The following PI4KA variants were observed in gnomAD, a reference collection of about 807,000 sequenced individuals.
PI4KA encodes phosphatidylinositol 4-kinase alpha, also known as PI4-kinase alpha.
A neutral mutation model predicts 271.4 loss-of-function variants in PI4KA; 122 were observed. The ratio of observed to expected loss-of-function variants is 0.45; its 90% CI spans 0.39 to 0.52. The LOEUF (loss-of-function observed/expected upper bound fraction) is 0.52. PI4KA is among the 20% of genes least tolerant of loss of function. The pLI is 0.00. For synonymous variants in PI4KA, 1,041 were observed against 1,078.8 expected (o/e 0.96, Z 0.69); for missense variants, 1,969 against 2,769.1 (o/e 0.71, Z 6.48).
At chr22:20,777,883 T>C (rs890596469) in intron 19 of PI4KA, among the ~76,000 whole-genome samples, 1 of 152,084 alleles carries the variant, frequency 6.6e-6, no homozygotes, top group Non-Finnish European at 1.5e-5. Flanking sequence ...GAGGAACAAA[T>C]AAAGACAGGA....
intron 32 of PI4KA, among the ~76,000 whole-genome samples, chr22:20,737,661 C>T (rs140950784): frequency 0.014 from 2,012 of 144,476 alleles, 47 homozygotes; most frequent in African/African-American, 0.049. Flanking sequence ...GACGGAGTTT[C>T]GCTCTTGTTG....
At chr22:20,751,183 C>T (rs1930644711) in intron 27 of PI4KA, 110 bp downstream of exon 27, 2 of 861,366 alleles carry the variant, frequency 2.3e-6, no homozygotes, top group East Asian at 2.7e-5. Flanking sequence ...CCACCCACAC[C>T]TCAAATTGCT....
chr22:20,726,544 G>A lies in PI4KA; in HGVS notation c.4942-3C>T, dbSNP rs1927373616. On this transcript the variant is annotated splice_region_variant and splice_polypyrimidine_tract_variant and intron_variant, in intron 41 of 54. Coordinates refer to ENST00000255882, the MANE Select transcript of PI4KA (RefSeq NM_058004.4). Reference sequence around the variant, plus strand: ...GGGATGTAGAAGAGGATGGCGTCCTGTGGAGGTGGAGCAGAGTTGGCCATG... The same window carrying A: ...GGGATGTAGAAGAGGATGGCGTCCTATGGAGGTGGAGCAGAGTTGGCCATG... 5 of 1,585,476 alleles carry A rather than the reference G, an allele frequency of 3.2e-6. No individual in the cohort carries two copies. Among genetic ancestry groups the A allele is most frequent in the Non-Finnish European group, 4.3e-6 (5 of 1,168,056 alleles).
intron 8 of PI4KA, 55 bp downstream of exon 8, chr22:20,813,303 C>G: frequency 7.4e-7 from 1 of 1,357,600 alleles, no homozygotes; most frequent in Non-Finnish European, 1.0e-6. Flanking sequence ...AGTTTCACCA[C>G]TAGCAATTTT....
At chr22:20,793,282 GTTTCT>G (rs752346150) in intron 18 of PI4KA, 39 bp from the exon 19 acceptor site, 8 of 1,195,916 alleles carry the variant, frequency 6.7e-6, no homozygotes, top group East Asian at 2.3e-5. Flanking sequence ...ACGAGTATGT[GTTTCT>G]TTTATTAAAA....
At chr22:20,740,728 G>A (rs897638770) in intron 32 of PI4KA, among the ~76,000 whole-genome samples, 7 of 152,282 alleles carry the variant, frequency 4.6e-5, no homozygotes, top group East Asian at 1.9e-4. Context: ...ATGGAGGGCC[G>A]GCTGTACTGA....
chr22:20,840,951 G>T (rs1234818795), intron 1 of PI4KA, among the ~76,000 whole-genome samples: 1 of 152,138 alleles, frequency 6.6e-6, no homozygotes, highest in East Asian at 1.9e-4. Flanking sequence ...GAGACCTACT[G>T]GGCTACATTC....
At chr22:20,844,580 G>A (rs980937405) in intron 1 of PI4KA, among the ~76,000 whole-genome samples, 9 of 152,192 alleles carry the variant, frequency 5.9e-5, no homozygotes, top group Non-Finnish European at 8.8e-5. Context: ...CTAAACGACA[G>A]AGGGCCCTGA....
intron 19 of PI4KA, among the ~76,000 whole-genome samples, chr22:20,791,115 C>T (rs1252029124): frequency 6.6e-6 from 1 of 152,192 alleles, no homozygotes; most frequent in Non-Finnish European, 1.5e-5. Context: ...TCACCACTCA[C>T]TGCTTCCCTA....
At chr22:20,857,625 G>A (rs1424531640) in intron 1 of PI4KA, among the ~76,000 whole-genome samples, 1 of 152,214 alleles carries the variant, frequency 6.6e-6, no homozygotes, top group Admixed American at 6.5e-5. Flanking sequence ...AAAGAAAGTT[G>A]ACATTTACTG....
intron 43 of PI4KA, 138 bp from the exon 44 acceptor site, chr22:20,718,960 C>T (rs975148642): frequency 1.7e-5 from 15 of 878,730 alleles, no homozygotes; most frequent in Middle Eastern, 3.4e-4. Flanking sequence ...TAACAGCTGC[C>T]GTGTGCCCCT....
At chr22:20,752,254 C>T (rs1601407631) in intron 25 of PI4KA, among the ~76,000 whole-genome samples, 1 of 152,328 alleles carries the variant, frequency 6.6e-6, no homozygotes, top group Non-Finnish European at 1.5e-5. Flanking sequence ...CACGTGTGTG[C>T]TGGACTCGTT....
intron 35 of PI4KA, 135 bp downstream of exon 35, chr22:20,733,601 T>C (rs1420013866): frequency 1.8e-5 from 24 of 1,358,266 alleles, no homozygotes; most frequent in Non-Finnish European, 1.2e-5. Flanking sequence ...CCAGGGATAC[T>C]GAAGGAGGAG....
chr22:20,785,943 CAT>C, intron 19 of PI4KA: 1 of 1,611,330 alleles, frequency 6.2e-7, no homozygotes, highest in Non-Finnish European at 8.5e-7. Context: ...AAGGGAAAAT[CAT>C]GATTCTTTTG....
rs539519083 is a variant in PI4KA at position 20,757,817 on chromosome 22, T to A, written c.2791+3487A>T. On this transcript the variant is annotated intron_variant, in intron 23 of 54. Coordinates refer to ENST00000255882, the MANE Select transcript of PI4KA (RefSeq NM_058004.4). Reference sequence around the variant, plus strand: ...CTTCAGCCTCCCAGAGTGCTGGGATTACAGGCGTGAGCTACCGCACCCAGC... The same window carrying A: ...CTTCAGCCTCCCAGAGTGCTGGGATAACAGGCGTGAGCTACCGCACCCAGC... 2.0e-5 allele frequency among the ~76,000 whole-genome samples: 3 copies of A among 152,308 alleles called. No individual in the cohort carries two copies. The East Asian group carries it at 5.8e-4, about 29-fold the overall frequency.
intron 2 of PI4KA, among the ~76,000 whole-genome samples, chr22:20,835,794 A>T (rs1013246808): frequency 6.6e-6 from 1 of 152,040 alleles, no homozygotes. Flanking sequence ...CACACCTGTA[A>T]TCCCAGCACT....
chr22:20,809,079 G>A (rs1178923973), intron 9 of PI4KA, among the ~76,000 whole-genome samples: 4 of 152,186 alleles, frequency 2.6e-5, no homozygotes, highest in East Asian at 1.9e-4. Flanking sequence ...TACAGACAAC[G>A]TCTGGTGGTC....
At chr22:20,735,875 G>A (rs1168925514) in intron 32 of PI4KA, among the ~76,000 whole-genome samples, 1 of 152,186 alleles carries the variant, frequency 6.6e-6, no homozygotes, top group Non-Finnish European at 1.5e-5. Flanking sequence ...AAAAATGGGG[G>A]GGACCCCAGA....
At chr22:20,713,700 A>G (rs979526150) in intron 47 of PI4KA, among the ~76,000 whole-genome samples, 1 of 152,222 alleles carries the variant, frequency 6.6e-6, no homozygotes, top group Non-Finnish European at 1.5e-5. Flanking sequence ...GCTAGGGGGC[A>G]GGAGGAATGT....
Sources: allele counts gnomAD v4.1 joint callset (sites outside exome capture counted in the v4.1 genomes callset), GRCh38; gene constraint gnomAD v4.1.1; transcripts MANE v1.5; gene names NCBI Gene and HGNC (gene_info 2026-07-23, HGNC 2026-07-21).